AGO2: variants seen among roughly 807,000 people sequenced by gnomAD.
AGO2 encodes argonaute RISC catalytic component 2.
AGO2 carries 5 observed loss-of-function variants against 102.3 expected under a neutral mutation model. That is an observed-to-expected ratio of 0.05 (90% confidence interval 0.03 to 0.10). AGO2 has a LOEUF of 0.10. Among genes scored for constraint, AGO2 ranks in the 10% least tolerant of loss-of-function variants. The pLI, the probability that AGO2 is intolerant of heterozygous loss-of-function variation, is 1.00. For missense variants in AGO2, 541 were observed against 1,183.7 expected, an observed-to-expected ratio of 0.46 and a Z score of 7.97; for synonymous variants, 449 against 473.1, an observed-to-expected ratio of 0.95 and a Z score of 0.66.
chr8:140,556,363 T>C (rs2073094436), intron 8 of AGO2, 77 bp from the exon 9 acceptor site: 8 of 1,574,584 alleles, frequency 5.1e-6, no homozygotes, highest in Non-Finnish European at 6.9e-6. Context: ...GCTCAGGGGC[T>C]GGTGGCCTGG....
At chr8:140,625,609 G>A (rs1368299127) in intron 1 of AGO2, among the ~76,000 whole-genome samples, 1 of 152,068 alleles carries the variant, frequency 6.6e-6, no homozygotes, top group Non-Finnish European at 1.5e-5. Context: ...CCTCACCCCC[G>A]GCCTGGCTCC....
intron 1 of AGO2, among the ~76,000 whole-genome samples, chr8:140,598,386 CAG>C (rs2073880454): frequency 6.6e-6 from 1 of 152,380 alleles, no homozygotes; most frequent in South Asian, 2.1e-4. Context: ...CATTTCTACC[CAG>C]AGAGAGTTTG....
Position 140,551,305 on chromosome 8 carries a change from C to T in AGO2, c.1401G>A (p.Leu467=), listed in dbSNP as rs1272620891. Residue 467 remains leucine (L), a splice_region_variant and synonymous_variant, in exon 11 of 19, where the codon CTG becomes CTA. Transcript: ENST00000220592. ...GCCTCTGCCTGTGGGGGGCTTACTT[C>T]AGATGGACTTCCGTGCACTGGCGCT... The part of the protein sequence containing the change: ...APQRQCTEVH[L]KSFTEQLRKI... 6.5e-7 allele frequency: 1 copy of T among 1,529,478 alleles called. No homozygotes were observed. The highest frequency in any genetic ancestry group is 1.9e-5 in the Admixed American group (1 of 54,052). The allele number at this position is 1,529,478 out of a possible 1,614,324, so 94.7% of individuals were successfully genotyped here. A position where few individuals can be genotyped will look rare whatever the true frequency, so the allele number is the denominator to read the frequency against.
chr8:140,595,871 A>G lies in AGO2; in HGVS notation c.23-10560T>C, dbSNP rs1321314904. 5.1e-4 allele frequency among the ~76,000 whole-genome samples: 57 copies of G among 111,508 alleles called. 11 individuals carry two copies. Among genetic ancestry groups the G allele is most frequent in the African/African-American group, 2.2e-3 (53 of 24,472 alleles). 73.2% of individuals were successfully genotyped at this position (111,508 alleles called of 152,430 possible). ...TTATATTTATATTATATACAATTGT[A>G]TATTATATAATATATAATTATATAT... On this transcript the variant is annotated intron_variant, in intron 1 of 18. Coordinates refer to ENST00000220592, the MANE Select transcript of AGO2 (RefSeq NM_012154.5).
chr8:140,532,338 C>A, intron 18 of AGO2, 78 bp downstream of exon 18: 1 of 1,518,818 alleles, frequency 6.6e-7, no homozygotes, highest in Non-Finnish European at 8.9e-7. Flanking sequence ...CTGCCCCTTC[C>A]CCTTCCAGAA....
intron 10 of AGO2, among the ~76,000 whole-genome samples, chr8:140,552,740 G>GCGCGCACA (rs111262864): frequency 4.4e-4 from 58 of 130,968 alleles, no homozygotes; most frequent in African/African-American, 1.6e-3. Flanking sequence ...GCGCGCGCGC[G>GCGCGCACA]CACACACACA....
intron 1 of AGO2, among the ~76,000 whole-genome samples, chr8:140,586,416 G>A (rs985452052): frequency 1.3e-5 from 2 of 152,136 alleles, no homozygotes; most frequent in African/African-American, 2.4e-5. Context: ...CCGCTTGAAC[G>A]CGGAGGTTGC....
intron 1 of AGO2, among the ~76,000 whole-genome samples, chr8:140,624,057 G>T (rs1433394716): frequency 1.3e-5 from 2 of 152,156 alleles, no homozygotes; most frequent in African/African-American, 4.8e-5. Context: ...CCAGGAAGGT[G>T]CAGGGCGAGC....
At chr8:140,620,093 G>C (rs1435416041) in intron 1 of AGO2, among the ~76,000 whole-genome samples, 1 of 152,182 alleles carries the variant, frequency 6.6e-6, no homozygotes, top group Non-Finnish European at 1.5e-5. Flanking sequence ...GTCAGAATGT[G>C]AAGGGGCACG....
chr8:140,572,688 G>T, intron 3 of AGO2, 124 bp downstream of exon 3: 1 of 1,365,892 alleles, frequency 7.3e-7, no homozygotes, highest in Non-Finnish European at 9.8e-7. Flanking sequence ...ATGTGGCAGT[G>T]AACTGCTCTC....
intron 5 of AGO2, 89 bp from the exon 6 acceptor site, chr8:140,559,618 C>A: frequency 6.5e-7 from 1 of 1,544,464 alleles, no homozygotes. Context: ...ATAGGCCAGG[C>A]CAGCCATGGT....
intron 5 of AGO2, 148 bp downstream of exon 5, chr8:140,560,226 G>A (rs1008124320): frequency 4.0e-6 from 5 of 1,244,286 alleles, no homozygotes; most frequent in Admixed American, 4.9e-5. Context: ...AACACTGCAG[G>A]TGAGACCAGC....
intron 17 of AGO2, among the ~76,000 whole-genome samples, chr8:140,534,129 T>G (rs376732180): frequency 6.6e-6 from 1 of 152,236 alleles, no homozygotes; most frequent in African/African-American, 2.4e-5. Flanking sequence ...CCACCGCACA[T>G]GCTCCGGCAC....
intron 1 of AGO2, among the ~76,000 whole-genome samples, chr8:140,621,642 A>G (rs2074218862): frequency 6.6e-6 from 1 of 152,130 alleles, no homozygotes; most frequent in African/African-American, 2.4e-5. Flanking sequence ...TATGCTGTAC[A>G]CTCTGGCATG....
chr8:140,542,165 T>G (rs2072811241), intron 14 of AGO2, among the ~76,000 whole-genome samples: 1 of 152,130 alleles, frequency 6.6e-6, no homozygotes, highest in African/African-American at 2.4e-5. Context: ...CAAGGGAGCG[T>G]GAGGGATGAG....
chr8:140,602,514 C>T (rs1588497546), intron 1 of AGO2, among the ~76,000 whole-genome samples: 1 of 152,174 alleles, frequency 6.6e-6, no homozygotes, highest in East Asian at 1.9e-4. Flanking sequence ...GTTAGAAAAC[C>T]GTCAGAACAG....
chr8:140,615,359 C>T lies in AGO2; in HGVS notation c.22+20126G>A, dbSNP rs190478066. Among the ~76,000 whole-genome samples, 1,219 of 152,362 alleles carry T rather than the reference C, an allele frequency of 8.0e-3. 20 individuals carry two copies. The highest frequency in any genetic ancestry group is 8.8e-3 in the Non-Finnish European group (600 of 68,026). On this transcript the variant is annotated intron_variant, in intron 1 of 18. Coordinates refer to ENST00000220592, the MANE Select transcript of AGO2 (RefSeq NM_012154.5). ...CCTGTAAGACTCAGCGCCGAAGGCC[C>T]AGAGCAGACATAGTCAGCACCCACT...
chr8:140,566,372 T>C (rs2073284321), intron 3 of AGO2, among the ~76,000 whole-genome samples: 1 of 152,238 alleles, frequency 6.6e-6, no homozygotes. Flanking sequence ...CTTTTTCTTT[T>C]GTAAATTGCC....
intron 2 of AGO2, among the ~76,000 whole-genome samples, chr8:140,582,087 A>AT (rs1368081707): frequency 6.6e-6 from 1 of 152,268 alleles, no homozygotes; most frequent in African/African-American, 2.4e-5. Flanking sequence ...GCAGAAATTG[A>AT]TAAGTTATTT....
Sources: gnomAD v4.1 joint callset for allele counts (sites outside exome capture counted in the v4.1 genomes callset) on GRCh38, gnomAD v4.1.1 for gene constraint, MANE v1.5 for transcripts, NCBI Gene and HGNC (gene_info 2026-07-23, HGNC 2026-07-21) for gene names.